TPGS2: variants seen among roughly 807,000 people sequenced by gnomAD.
TPGS2 encodes tubulin polyglutamylase complex subunit 2.
TPGS2 carries 26 observed loss-of-function variants against 31.1 expected under a neutral mutation model. The observed-to-expected ratio is 0.84, with a 90% CI of 0.61 to 1.16. The LOEUF is 1.16. Among genes scored for constraint, TPGS2 ranks in the 50% most tolerant of loss-of-function variants. The probability of loss-of-function intolerance (pLI) is 0.00; values close to 1 mark genes in which losing one functional copy is unlikely to be tolerated. For synonymous variants in TPGS2, 130 were observed against 136.6 expected, an observed-to-expected ratio of 0.95 and a Z score of 0.34; for missense variants, 351 against 363.8, an observed-to-expected ratio of 0.96 and a Z score of 0.29.
downstream of TPGS2, among the ~76,000 whole-genome samples, chr18:36,792,409 C>T (rs1026844793): frequency 4.6e-5 from 7 of 152,168 alleles, no homozygotes; most frequent in Non-Finnish European, 8.8e-5. Context: ...ATGTTAAAAA[C>T]TCTCCATAAT....
downstream of TPGS2, chr18:36,781,879 G>A (rs2044025356): frequency 6.1e-6 from 6 of 985,416 alleles, no homozygotes; most frequent in Non-Finnish European, 7.2e-6. Flanking sequence ...CCTGGAACTT[G>A]CGAGAGTTGG....
intron 5 of TPGS2, 98 bp from the exon 6 acceptor site, chr18:36,798,707 C>T (rs2044654718): frequency 6.8e-7 from 1 of 1,479,706 alleles, no homozygotes; most frequent in Non-Finnish European, 9.0e-7. Flanking sequence ...AAAAAAAAAT[C>T]CCAACAGAGA....
At chr18:36,812,539 G>A (rs1353339333) in intron 2 of TPGS2, among the ~76,000 whole-genome samples, 1 of 152,094 alleles carries the variant, frequency 6.6e-6, no homozygotes, top group East Asian at 1.9e-4. Context: ...GAAGTTCCAC[G>A]CCCCTCCCAC....
At chr18:36,815,633 T>A (rs1443962260) in intron 2 of TPGS2, among the ~76,000 whole-genome samples, 1 of 151,910 alleles carries the variant, frequency 6.6e-6, no homozygotes, top group Non-Finnish European at 1.5e-5. Flanking sequence ...GTATTTTCAA[T>A]ACACCTTTTT....
Position 36,828,885 on chromosome 18 carries a change from G to C in TPGS2, c.-118C>G. 1 of 1,285,534 alleles carries C rather than the reference G, an allele frequency of 7.8e-7. No homozygotes were observed. Among genetic ancestry groups the C allele is most frequent in the East Asian group, 2.5e-5 (1 of 40,144 alleles). 79.6% of individuals were successfully genotyped at this position (1,285,534 alleles called of 1,614,324 possible). ...GTAGTTCTCGGCGCCTGAAAGCGCG[G>C]CGCAGTGATGATGGGGGCCCGGGGT... On this transcript the variant is annotated 5_prime_UTR_variant, in exon 1 of 7. Coordinates refer to ENST00000334295, the MANE Select transcript of TPGS2 (RefSeq NM_015476.4).
intron 2 of TPGS2, among the ~76,000 whole-genome samples, chr18:36,816,452 A>G (rs1404916818): frequency 6.6e-6 from 1 of 152,236 alleles, no homozygotes; most frequent in East Asian, 1.9e-4. Flanking sequence ...GGTACAAGAC[A>G]CAAGGAAGAA....
intron 1 of TPGS2, among the ~76,000 whole-genome samples, chr18:36,822,186 A>G (rs2045924244): frequency 2.0e-5 from 3 of 152,230 alleles, no homozygotes; most frequent in Admixed American, 2.0e-4. Context: ...CCAGCATTCA[A>G]TAAACCCCTG....
chr18:36,805,143 G>GACTT (rs2045051488), intron 4 of TPGS2, among the ~76,000 whole-genome samples: 1 of 152,188 alleles, frequency 6.6e-6, no homozygotes, highest in African/African-American at 2.4e-5. Flanking sequence ...GCAGCCACTT[G>GACTT]ACTTATGAGC....
In TPGS2 at chr18:36,795,043, A is replaced by G; in HGVS notation, c.*1762T>C. The G allele has an allele frequency of 2.0e-6, 2 of 985,410 alleles. No homozygotes were observed. Among genetic ancestry groups the G allele is most frequent in the Non-Finnish European group, 2.4e-6 (2 of 829,936 alleles). The allele number at this position is 985,410 out of a possible 1,614,324, so 61.0% of individuals were successfully genotyped here. ...TATTTCAAGACTTTGAACTATTACA[A>G]ATATGGGGAAGCAGCCAGTTAGAGC... On this transcript the variant is annotated 3_prime_UTR_variant, in exon 7 of 7. Transcript: ENST00000334295.
intron 1 of TPGS2, 96 bp downstream of exon 1, chr18:36,828,587 T>C: frequency 7.3e-7 from 1 of 1,366,096 alleles, no homozygotes; most frequent in Non-Finnish European, 1.0e-6. Flanking sequence ...ACTCCTGTTC[T>C]GGGGCCAGCG....
At position 36,798,474 on chromosome 18, in the gene TPGS2, C is replaced by G; in HGVS notation, c.632G>C (p.Ser211Thr). ...GLPQWQYAFT[S>T]YGISPQAKQW... ...CTTGGCCTGTGGGCTAATGCCATAGCTGGTGAAGGCATATTGCCACTGGGG... is the reference window on the plus strand; with the variant it reads ...CTTGGCCTGTGGGCTAATGCCATAGGTGGTGAAGGCATATTGCCACTGGGG... The change falls in exon 6 of 7, where the codon AGC becomes ACC. Residue 211 changes from serine to threonine, a missense_variant. By Grantham distance (58) the Ser-to-Thr change is moderately conservative. Transcript: ENST00000334295. The G allele has an allele frequency of 1.2e-6, 2 of 1,614,202 alleles. No individual in the cohort carries two copies. Among genetic ancestry groups the G allele is most frequent in the Non-Finnish European group, 1.7e-6 (2 of 1,180,038 alleles).
intron 2 of TPGS2, among the ~76,000 whole-genome samples, chr18:36,816,136 G>A (rs1033873159): frequency 1.3e-5 from 2 of 152,184 alleles, no homozygotes; most frequent in Non-Finnish European, 2.9e-5. Context: ...TGAAGAAAAT[G>A]TTCCATTAAT....
At chr18:36,809,057 G>A (rs976515767) in intron 2 of TPGS2, among the ~76,000 whole-genome samples, 1 of 152,148 alleles carries the variant, frequency 6.6e-6, no homozygotes, top group African/African-American at 2.4e-5. Flanking sequence ...CTTATGTCAG[G>A]ACTGCATTAG....
Position 36,795,350 on chromosome 18 carries a change from A to G in TPGS2, c.*1455T>C, listed in dbSNP as rs1404941550. 1.0e-6 allele frequency: 1 copy of G among 985,580 alleles called. No individual in the cohort carries two copies. The highest frequency in any genetic ancestry group is 1.7e-5 in the African/African-American group (1 of 57,368). The allele number at this position is 985,580 out of a possible 1,614,324, so 61.1% of individuals were successfully genotyped here. On this transcript the variant is annotated 3_prime_UTR_variant, in exon 7 of 7. Transcript: ENST00000334295. ...ATCACCGGGGTAGAGAGAAGTCAGG[A>G]AAGAGAATGAGCCAGCTGGGACTGA...
At chr18:36,785,026 GGT>G (rs942526109) in intron 6 of TPGS2, among the ~76,000 whole-genome samples, 1 of 152,084 alleles carries the variant, frequency 6.6e-6, no homozygotes, top group African/African-American at 2.4e-5. Context: ...GGTCAGGCGT[GGT>G]GGCTCATGCC....
intron 2 of TPGS2, among the ~76,000 whole-genome samples, chr18:36,811,867 C>T (rs756349539): frequency 1.3e-5 from 2 of 152,218 alleles, no homozygotes; most frequent in South Asian, 4.1e-4. Flanking sequence ...CTGTGTCAGA[C>T]ACATGGATTG....
intron 4 of TPGS2, among the ~76,000 whole-genome samples, chr18:36,803,674 T>C (rs886216428): frequency 1.3e-5 from 2 of 152,214 alleles, no homozygotes; most frequent in Admixed American, 1.3e-4. Flanking sequence ...CTTTTAAATT[T>C]ATTCATCTAT....
At chr18:36,789,696 A>C (rs2044242597), downstream of TPGS2, 1 of 152,176 alleles carries the variant, frequency 6.6e-6, no homozygotes, top group Non-Finnish European at 1.5e-5. Context: ...GGCTCCCATA[A>C]TTCCCGTATG....
rs2150521192 is a variant in TPGS2, at chr18:36,785,701, C to T, written c.658-2570G>A. 1.3e-5 allele frequency among the ~76,000 whole-genome samples: 2 copies of T among 152,220 alleles called. 1 individual carries two copies. Among genetic ancestry groups the T allele is most frequent in the South Asian group, 4.2e-4 (2 of 4,818 alleles). ...CAGTTGTTGACAGTAGAGACTGTTC[C>T]TAATTACTGGATTAGTGACAATGAT... On this transcript the variant is annotated intron_variant, in intron 6 of 6. Transcript: ENST00000587129.
Sources: allele counts gnomAD v4.1 joint callset (sites outside exome capture counted in the v4.1 genomes callset), GRCh38; gene constraint gnomAD v4.1.1; transcripts MANE v1.5; gene names NCBI Gene and HGNC (gene_info 2026-07-23, HGNC 2026-07-21).